Variants in SPINK7 observed in about 807,000 individuals in gnomAD.
SPINK7 encodes the protein serine peptidase inhibitor Kazal type 7.
SPINK7 carries 8 observed loss-of-function variants against 11.6 expected under a neutral mutation model. The observed-to-expected ratio is 0.69, with a 90% CI of 0.41 to 1.25. The LOEUF is 1.25. Among genes scored for constraint, SPINK7 ranks in the 50% most tolerant of loss-of-function variants. SPINK7 has a pLI of 0.01. For missense variants in SPINK7, 113 were observed against 99.3 expected, an observed-to-expected ratio of 1.14 and a Z score of -0.58; for synonymous variants, 38 against 35.3, an observed-to-expected ratio of 1.08 and a Z score of -0.27.
chr5:148,313,718 T>C (rs762670236), intron 2 of SPINK7: 116 of 405,020 alleles, frequency 2.9e-4, no homozygotes, highest in Non-Finnish European at 4.7e-4. Context: ...AGGCTCTAGA[T>C]TCAAATCCTA....
At chr5:148,314,661 A>AC (rs1443017383) in intron 3 of SPINK7, among the ~76,000 whole-genome samples, 2 of 151,892 alleles carry the variant, frequency 1.3e-5, no homozygotes, top group East Asian at 1.9e-4. Context: ...CTGAATCCCC[A>AC]CCCCCCATAA....
At chr5:148,314,458 G>A in intron 3 of SPINK7, 1 of 554,016 alleles carries the variant, frequency 1.8e-6, no homozygotes, top group Non-Finnish European at 3.2e-6. Context: ...GTTCCTGTCT[G>A]TCAATTGTGA....
chr5:148,314,491 C>A (rs775033073), intron 3 of SPINK7: 2 of 502,410 alleles, frequency 4.0e-6, no homozygotes, highest in Non-Finnish European at 7.1e-6. Flanking sequence ...GCTGTGGATT[C>A]TCAAACTGCT....
chr5:148,315,505 C>T, intron 3 of SPINK7, 134 bp from the exon 4 acceptor site: 1 of 545,376 alleles, frequency 1.8e-6, no homozygotes, highest in Non-Finnish European at 3.4e-6. Flanking sequence ...CAAGGTCATT[C>T]ATTTTCTGAG....
rs1226218998 is a variant in SPINK7 at position 148,312,532 on chromosome 5, T to C, written c.49T>C (p.Cys17Arg). 1.9e-6 allele frequency: 3 copies of C among 1,607,150 alleles called. No individual in the cohort carries two copies. The highest frequency in any genetic ancestry group is 1.7e-5 in the Admixed American group (1 of 59,538). ...TCTGCTCTGTACAGTGGTCTATTTC[T>C]GTAGCAGCTCAGGTAAGTTAAGGTC... The part of the protein sequence containing the change: ...LLLLCTVVYF[C>R]SSSEAASLSP... The change falls in exon 1 of 4, where the codon TGT (cysteine) becomes CGT (arginine). Residue 17 changes from cysteine (C) to arginine (R), a missense_variant. Transcript: ENST00000274565.
Position 148,315,624 on chromosome 5 carries a change from T to A in SPINK7, c.213-15T>A. ...TCTTGTGCTAATGAATCTTGTGAAC[T>A]GTGTCTTCCCTTAGGAAAAGTAATG... On this transcript the variant is annotated splice_polypyrimidine_tract_variant and intron_variant, in intron 3 of 3. Coordinates refer to ENST00000274565, the MANE Select transcript of SPINK7 (RefSeq NM_032566.3). 2 of 1,575,292 alleles carry A rather than the reference T, an allele frequency of 1.3e-6. No individual in the cohort carries two copies. Among genetic ancestry groups the A allele is most frequent in the Non-Finnish European group, 1.7e-6 (2 of 1,145,744 alleles).
At chr5:148,313,434 C>T in intron 2 of SPINK7, 35 bp downstream of exon 2, 1 of 1,485,558 alleles carries the variant, frequency 6.7e-7, no homozygotes, top group Non-Finnish European at 9.3e-7. Context: ...ATGTCAATAA[C>T]TATTGACTGT....
In SPINK7 at chr5:148,312,431, T is replaced by A. The variant is rs922451036; in HGVS notation, c.-53T>A. On this transcript the variant is annotated 5_prime_UTR_variant, in exon 1 of 4. An upstream start codon of the reference 5' UTR is lost. Transcript: ENST00000274565. ...GACCCCTTACCTGGGATATGGTCGA[T>A]GCAGCTGTAGTGACAATCTCAGAGC... The A allele has an allele frequency of 3.4e-6, 4 of 1,193,210 alleles. No homozygotes were observed. Among genetic ancestry groups the A allele is most frequent in the Non-Finnish European group, 5.0e-6 (4 of 796,014 alleles). 73.9% of individuals were successfully genotyped at this position (1,193,210 alleles called of 1,614,324 possible).
chr5:148,312,587 G>A, intron 1 of SPINK7, 43 bp downstream of exon 1: 2 of 1,170,024 alleles, frequency 1.7e-6, no homozygotes, highest in Non-Finnish European at 2.5e-6. Flanking sequence ...CATTAAGATT[G>A]TTTTCATAAA....
chr5:148,313,908 C>T (rs1429902976), intron 2 of SPINK7, 192 bp from the exon 3 acceptor site: 5 of 645,478 alleles, frequency 7.7e-6, no homozygotes, highest in Non-Finnish European at 1.3e-5. Flanking sequence ...CAATTGTTAA[C>T]TGAGTGTAGC....
intron 1 of SPINK7, among the ~76,000 whole-genome samples, 170 bp from the exon 2 acceptor site, chr5:148,313,204 C>T (rs1353493931): frequency 1.3e-5 from 2 of 152,006 alleles, no homozygotes; most frequent in South Asian, 2.1e-4. Flanking sequence ...AACCCATTGG[C>T]CATTCAACTT....
At chr5:148,314,889 G>C (rs951932269) in intron 3 of SPINK7, among the ~76,000 whole-genome samples, 2 of 152,148 alleles carry the variant, frequency 1.3e-5, no homozygotes, top group Admixed American at 6.5e-5. Context: ...ATTTGGACCA[G>C]AATACCACGG....
At chr5:148,314,523 T>C in intron 3 of SPINK7, 1 of 415,618 alleles carries the variant, frequency 2.4e-6, no homozygotes. Flanking sequence ...ACAGAGGTTC[T>C]ATAGAGGCAA....
At position 148,315,751 on chromosome 5, in the gene SPINK7, A is replaced by G; in HGVS notation, c.*67A>G. On this transcript the variant is annotated 3_prime_UTR_variant, in exon 4 of 4. Coordinates refer to ENST00000274565, the MANE Select transcript of SPINK7 (RefSeq NM_032566.3). Reference sequence around the variant, plus strand: ...ATCATCTTCATCATCCCAGGCTCTGACTGAGTTTCTTTCAGTTTTACTGAT... The same window carrying G: ...ATCATCTTCATCATCCCAGGCTCTGGCTGAGTTTCTTTCAGTTTTACTGAT... 1 of 1,013,984 alleles carries G rather than the reference A, an allele frequency of 9.9e-7. No individual in the cohort carries two copies. Among genetic ancestry groups the G allele is most frequent in the Non-Finnish European group, 1.6e-6 (1 of 642,922 alleles). The allele number at this position is 1,013,984 out of a possible 1,614,324, so 62.8% of individuals were successfully genotyped here.
intron 2 of SPINK7, 39 bp downstream of exon 2, chr5:148,313,438 T>C (rs1379124203): frequency 6.8e-7 from 1 of 1,479,052 alleles, no homozygotes; most frequent in Admixed American, 1.7e-5. Flanking sequence ...CAATAACTAT[T>C]GACTGTCATT....
intron 1 of SPINK7, among the ~76,000 whole-genome samples, chr5:148,312,791 T>C (rs1756878353): frequency 1.3e-5 from 2 of 152,090 alleles, no homozygotes. Flanking sequence ...TCCATTTCTA[T>C]GTTCATATGG....
chr5:148,313,395 A>C lies in SPINK7; in HGVS notation c.83A>C (p.Lys28Thr). 6.2e-7 allele frequency: 1 copy of C among 1,601,232 alleles called. No homozygotes were observed. Among genetic ancestry groups the C allele is most frequent in the Non-Finnish European group, 8.5e-7 (1 of 1,170,898 alleles). Residue 28 changes from lysine (K) to threonine (T), a missense_variant, in exon 2 of 4, where the codon AAA becomes ACA. Coordinates refer to ENST00000274565, the MANE Select transcript of SPINK7 (RefSeq NM_032566.3). Reference sequence around the variant, plus strand: ...TCAGAAGCTGCTAGTCTGTCTCCAAAAAAAGTAAGTATGTTGAATAACATT... The same window carrying C: ...TCAGAAGCTGCTAGTCTGTCTCCAACAAAAGTAAGTATGTTGAATAACATT... ...SSSEAASLSP[K>T]KVDCSIYKKY...
rs767967028 is a variant in SPINK7, at chr5:148,313,360, T to G, written c.62-14T>G. ...GCTTTACTTTTAACATCTTCATCTG[T>G]ATCTCTTTTTCAGAAGCTGCTAGTC... On this transcript the variant is annotated splice_polypyrimidine_tract_variant and intron_variant, in intron 1 of 3. Transcript: ENST00000274565. The G allele has an allele frequency of 2.5e-6, 4 of 1,597,660 alleles. No individual in the cohort carries two copies. Among genetic ancestry groups the G allele is most frequent in the Non-Finnish European group, 3.4e-6 (4 of 1,168,664 alleles).
At chr5:148,312,890 G>T (rs1399186258) in intron 1 of SPINK7, among the ~76,000 whole-genome samples, 3 of 151,956 alleles carry the variant, frequency 2.0e-5, no homozygotes, top group Admixed American at 6.6e-5. Context: ...TCAGTTTGGG[G>T]GGATTAAAAT....
Sources: gnomAD v4.1 joint callset for allele counts (sites outside exome capture counted in the v4.1 genomes callset) on GRCh38, gnomAD v4.1.1 for gene constraint, MANE v1.5 for transcripts, NCBI Gene and HGNC (gene_info 2026-07-23, HGNC 2026-07-21) for gene names.